TSPAN18: variants seen among roughly 807,000 people sequenced by gnomAD.
TSPAN18 encodes the protein tetraspanin 18.
A neutral mutation model predicts 27.3 loss-of-function variants in TSPAN18; 14 were observed. The observed-to-expected ratio is 0.51, with a 90% CI of 0.34 to 0.80. TSPAN18 has a LOEUF of 0.80. Ranked by LOEUF, TSPAN18 falls within the 30% of genes least tolerant of loss-of-function variation. The pLI is 0.01. For missense variants in TSPAN18, 268 were observed against 323.9 expected, an observed-to-expected ratio of 0.83 and a Z score of 1.32; for synonymous variants, 143 against 136.5, an observed-to-expected ratio of 1.05 and a Z score of -0.33.
In TSPAN18 at chr11:44,931,926, A is replaced by T. The variant is rs1860580138; in HGVS notation, c.*2748A>T. ...CACTAACAGGGCAAGGAACAAGAAG[A>T]CTACACCGCTCATCACAAACCCTGC... On this transcript the variant is annotated 3_prime_UTR_variant, in exon 10 of 10. Coordinates refer to ENST00000520358, the MANE Select transcript of TSPAN18 (RefSeq NM_130783.5). The T allele has an allele frequency of 6.6e-6, 1 of 152,202 alleles. No individual in the cohort carries two copies. Among genetic ancestry groups the T allele is most frequent in the African/African-American group, 2.4e-5 (1 of 41,416 alleles). 9.4% of individuals were successfully genotyped at this position (152,202 alleles called of 1,614,324 possible).
intron 1 of TSPAN18, among the ~76,000 whole-genome samples, chr11:44,733,301 CT>C (rs1465758975): frequency 1.3e-5 from 2 of 152,186 alleles, no homozygotes; most frequent in African/African-American, 4.8e-5. Flanking sequence ...TAGAAGCTTC[CT>C]TTCCCTAATA....
chr11:44,752,821 T>C (rs868409133), intron 1 of TSPAN18, among the ~76,000 whole-genome samples: 1 of 152,238 alleles, frequency 6.6e-6, no homozygotes, highest in Non-Finnish European at 1.5e-5. Flanking sequence ...GATATAAAAC[T>C]GGTTAATGCC....
chr11:44,867,771 G>C (rs1858080374), intron 3 of TSPAN18, among the ~76,000 whole-genome samples: 1 of 152,152 alleles, frequency 6.6e-6, no homozygotes, highest in Non-Finnish European at 1.5e-5. Context: ...CCAGCAGAGG[G>C]ATCAGCACAT....
intron 8 of TSPAN18, among the ~76,000 whole-genome samples, chr11:44,920,979 CAA>C (rs1228575665): frequency 6.6e-6 from 1 of 152,242 alleles, no homozygotes; most frequent in Non-Finnish European, 1.5e-5. Flanking sequence ...GCAGAACTTG[CAA>C]AGTCCCAGAG....
chr11:44,903,262 A>C (rs1355166019), intron 3 of TSPAN18: 1 of 373,512 alleles, frequency 2.7e-6, no homozygotes, highest in African/African-American at 2.1e-5. Flanking sequence ...TAAAGGATGA[A>C]TAGGAATTAA....
At chr11:44,749,617 A>G (rs1261479506) in intron 1 of TSPAN18, among the ~76,000 whole-genome samples, 2 of 150,972 alleles carry the variant, frequency 1.3e-5, no homozygotes, top group African/African-American at 4.9e-5. Flanking sequence ...TTGTAGCCAC[A>G]GAACGTGGAA....
At chr11:44,834,282 G>A (rs764030190) in intron 2 of TSPAN18, among the ~76,000 whole-genome samples, 9 of 152,022 alleles carry the variant, frequency 5.9e-5, no homozygotes, top group African/African-American at 1.7e-4. Context: ...AGTTCCTTTC[G>A]GCCCCTGGAG....
intron 1 of TSPAN18, among the ~76,000 whole-genome samples, chr11:44,742,950 G>C (rs1318851227): frequency 2.6e-5 from 4 of 152,288 alleles, no homozygotes; most frequent in Admixed American, 1.3e-4. Flanking sequence ...TTCATGGGGG[G>C]GCTGGCATCT....
chr11:44,751,208 G>A (rs967062462), intron 1 of TSPAN18, among the ~76,000 whole-genome samples: 3 of 152,186 alleles, frequency 2.0e-5, no homozygotes, highest in African/African-American at 7.2e-5. Flanking sequence ...TCAATTCAAG[G>A]CTGGCGAGGC....
At chr11:44,902,533 T>C (rs913931664) in intron 3 of TSPAN18, among the ~76,000 whole-genome samples, 2 of 152,114 alleles carry the variant, frequency 1.3e-5, no homozygotes, top group African/African-American at 4.8e-5. Flanking sequence ...GTGATGATGG[T>C]TGAGATGCTT....
intron 5 of TSPAN18, among the ~76,000 whole-genome samples, chr11:44,911,448 T>C (rs892792585): frequency 6.6e-6 from 1 of 152,092 alleles, no homozygotes; most frequent in African/African-American, 2.4e-5. Flanking sequence ...CTATTTGTCC[T>C]TCAACAGCGC....
chr11:44,806,659 T>A (rs1446684359), intron 2 of TSPAN18, among the ~76,000 whole-genome samples: 1 of 152,226 alleles, frequency 6.6e-6, no homozygotes, highest in Non-Finnish European at 1.5e-5. Context: ...TTTTTCAGTT[T>A]TACTTGTTCC....
intron 5 of TSPAN18, among the ~76,000 whole-genome samples, chr11:44,916,728 G>A (rs894111876): frequency 3.3e-5 from 5 of 152,126 alleles, no homozygotes; most frequent in South Asian, 2.1e-4. Context: ...CTGGCACATC[G>A]GGGGCAGGCA....
chr11:44,903,676 G>T (rs1564984794), intron 3 of TSPAN18: 3 of 455,888 alleles, frequency 6.6e-6, no homozygotes, highest in Non-Finnish European at 1.3e-5. Context: ...TAGAGAGGAT[G>T]ATGTCATCCG....
At chr11:44,772,752 C>T (rs112478483) in intron 2 of TSPAN18, among the ~76,000 whole-genome samples, 5 of 152,080 alleles carry the variant, frequency 3.3e-5, no homozygotes, top group Non-Finnish European at 7.4e-5. Flanking sequence ...TCCGCCTCCC[C>T]GGTTCAAGTG....
rs192351853 is a variant in TSPAN18 at position 44,773,434 on chromosome 11, A to C, written c.-153+8922A>C. Among the ~76,000 whole-genome samples the C allele has an allele frequency of 2.6e-3, 390 of 152,156 alleles. 1 individual carries two copies. The highest frequency in any genetic ancestry group is 8.8e-3 in the African/African-American group (365 of 41,496). On this transcript the variant is annotated intron_variant, in intron 2 of 9. Coordinates refer to ENST00000520358, the MANE Select transcript of TSPAN18 (RefSeq NM_130783.5). Reference sequence around the variant, plus strand: ...TCCATCTCAAAAAAAAACCCAAAAAACAAAAAACAAACCCACCAGTGACTG... The same window carrying C: ...TCCATCTCAAAAAAAAACCCAAAAACCAAAAAACAAACCCACCAGTGACTG...
At chr11:44,765,943 A>C (rs1193445341) in intron 2 of TSPAN18, among the ~76,000 whole-genome samples, 1 of 152,194 alleles carries the variant, frequency 6.6e-6, no homozygotes, top group Non-Finnish European at 1.5e-5. Flanking sequence ...GGGGAAGACG[A>C]GGAAGACTTA....
intron 3 of TSPAN18, among the ~76,000 whole-genome samples, chr11:44,882,025 C>T (rs1464664656): frequency 1.3e-5 from 2 of 152,106 alleles, no homozygotes; most frequent in Non-Finnish European, 2.9e-5. Flanking sequence ...CAGTGTGGCC[C>T]ATCTTCTTAG....
chr11:44,794,746 A>G (rs1180022732), intron 2 of TSPAN18, among the ~76,000 whole-genome samples: 1 of 151,994 alleles, frequency 6.6e-6, no homozygotes, highest in Non-Finnish European at 1.5e-5. Flanking sequence ...CAGCTGGGGT[A>G]TTGGATAAGC....
Sources: allele counts gnomAD v4.1 joint callset (sites outside exome capture counted in the v4.1 genomes callset), GRCh38; gene constraint gnomAD v4.1.1; transcripts MANE v1.5; gene names NCBI Gene and HGNC (gene_info 2026-07-23, HGNC 2026-07-21).